The following DGKB variants were observed in gnomAD, a reference collection of about 807,000 sequenced individuals.
DGKB encodes the protein diacylglycerol kinase beta, also known as 90 kDa diacylglycerol kinase.
A neutral mutation model predicts 114.3 loss-of-function variants in DGKB; 67 were observed. The observed-to-expected ratio is 0.59, with a 90% CI of 0.48 to 0.72. The LOEUF is 0.72. Ranked by LOEUF, DGKB falls within the 30% of genes least tolerant of loss-of-function variation. The pLI is 0.00. For synonymous variants in DGKB, 398 were observed against 323.1 expected, an observed-to-expected ratio of 1.23 and a Z score of -2.49; for missense variants, 907 against 975.2, an observed-to-expected ratio of 0.93 and a Z score of 0.93.
chr7:14,356,769 A>G (rs1208910372), intron 21 of DGKB, among the ~76,000 whole-genome samples: 1 of 152,112 alleles, frequency 6.6e-6, no homozygotes, highest in East Asian at 1.9e-4. Flanking sequence ...CACTGCTTTA[A>G]ATGTGTCCCA....
intron 21 of DGKB, among the ~76,000 whole-genome samples, chr7:14,348,635 C>A (rs539919016): frequency 6.6e-6 from 1 of 151,872 alleles, no homozygotes; most frequent in South Asian, 2.1e-4. Flanking sequence ...ATATAATTTT[C>A]ATGTGATTTG....
At chr7:14,707,028 G>C (rs1409695136) in intron 6 of DGKB, among the ~76,000 whole-genome samples, 1 of 151,064 alleles carries the variant, frequency 6.6e-6, no homozygotes, top group African/African-American at 2.4e-5. Flanking sequence ...GAATCCAGGA[G>C]CTGGTTTTTT....
chr7:14,946,595 C>A (rs1785895738), intron 1 of DGKB, among the ~76,000 whole-genome samples: 1 of 151,688 alleles, frequency 6.6e-6, no homozygotes, highest in South Asian at 2.1e-4. Flanking sequence ...CACATACACA[C>A]AAATATCAGG....
intron 17 of DGKB, among the ~76,000 whole-genome samples, chr7:14,605,064 A>T (rs1804230965): frequency 6.6e-6 from 1 of 152,132 alleles, no homozygotes; most frequent in African/African-American, 2.4e-5. Context: ...ATACCATAAA[A>T]ATATTTGAAC....
At chr7:14,572,713 G>C (rs1346308444) in intron 20 of DGKB, among the ~76,000 whole-genome samples, 1 of 152,050 alleles carries the variant, frequency 6.6e-6, no homozygotes, top group Non-Finnish European at 1.5e-5. Context: ...CCATGCCACA[G>C]AATCCTATTC....
At chr7:14,950,689 A>C (rs1786146891) in intron 1 of DGKB, among the ~76,000 whole-genome samples, 1 of 152,004 alleles carries the variant, frequency 6.6e-6, no homozygotes, top group African/African-American at 2.4e-5. Context: ...TAAAGAATAA[A>C]TATTAATCCT....
chr7:14,168,110 G>A (rs1784870841), intron 25 of DGKB, among the ~76,000 whole-genome samples: 1 of 152,054 alleles, frequency 6.6e-6, no homozygotes, highest in African/African-American at 2.4e-5. Context: ...CTGAGAAATA[G>A]AAGATAGTTA....
chr7:14,844,157 G>C (rs2128143350), intron 1 of DGKB, among the ~76,000 whole-genome samples: 1 of 152,320 alleles, frequency 6.6e-6, no homozygotes, highest in South Asian at 2.1e-4. Context: ...GTAGATGTTG[G>C]TGAAGCATAT....
chr7:14,603,486 G>T (rs1803944065), intron 17 of DGKB, among the ~76,000 whole-genome samples: 1 of 151,844 alleles, frequency 6.6e-6, no homozygotes, highest in South Asian at 2.1e-4. Context: ...GTAGAAATTT[G>T]GTTATATAAA....
At chr7:14,236,344 TAA>T (rs35503614) in intron 23 of DGKB, among the ~76,000 whole-genome samples, 3 of 86,704 alleles carry the variant, frequency 3.5e-5, no homozygotes, top group South Asian at 2.8e-4. Flanking sequence ...TTCCAATTAA[TAA>T]AAAAAAAGCT....
rs369045909 is a variant in DGKB at position 14,554,910 on chromosome 7, A to G, written c.1770+19302T>C. On this transcript the variant is annotated intron_variant, in intron 20 of 25. Coordinates refer to ENST00000402815, the MANE Select transcript of DGKB (RefSeq NM_001350709.2). ...TATCTTTATTATTTTTGTTGAAAAC[A>G]TTTTTTGAAATTTAAAAGTTAATGA... Among the ~76,000 whole-genome samples, 21 of 152,188 alleles carry G rather than the reference A, an allele frequency of 1.4e-4. No individual in the cohort carries two copies. The East Asian group carries it at 3.9e-3, about 28-fold the overall frequency.
At chr7:14,239,149 G>T (rs1325240494) in intron 23 of DGKB, among the ~76,000 whole-genome samples, 1 of 151,982 alleles carries the variant, frequency 6.6e-6, no homozygotes, top group African/African-American at 2.4e-5. Context: ...CTGCTCAGCA[G>T]TCGTTACTTC....
intron 1 of DGKB, among the ~76,000 whole-genome samples, chr7:14,940,115 G>T (rs566792211): frequency 6.6e-6 from 1 of 151,896 alleles, no homozygotes; most frequent in African/African-American, 2.4e-5. Context: ...AAAAATGATG[G>T]TCTTATTTGA....
intron 20 of DGKB, among the ~76,000 whole-genome samples, chr7:14,529,354 T>C (rs1286695239): frequency 6.6e-6 from 1 of 151,896 alleles, no homozygotes; most frequent in East Asian, 1.9e-4. Flanking sequence ...AACTATTTTG[T>C]TGAGCAGTGA....
intron 23 of DGKB, among the ~76,000 whole-genome samples, chr7:14,278,558 A>C (rs999716452): frequency 6.6e-6 from 1 of 152,170 alleles, no homozygotes; most frequent in Non-Finnish European, 1.5e-5. Flanking sequence ...AACATGGGGA[A>C]AATGTTCATG....
chr7:14,812,515 A>G (rs935421403), intron 2 of DGKB, among the ~76,000 whole-genome samples: 1 of 152,122 alleles, frequency 6.6e-6, no homozygotes, highest in African/African-American at 2.4e-5. Context: ...TGATTCCACC[A>G]TATTTTCTAA....
At chr7:14,896,453 A>G (rs1276648451) in intron 1 of DGKB, among the ~76,000 whole-genome samples, 1 of 151,598 alleles carries the variant, frequency 6.6e-6, no homozygotes, top group Non-Finnish European at 1.5e-5. Flanking sequence ...AATATTTAAT[A>G]AATTTTGTAG....
At chr7:14,497,471 C>T (rs903208596) in intron 20 of DGKB, among the ~76,000 whole-genome samples, 4 of 151,762 alleles carry the variant, frequency 2.6e-5, no homozygotes, top group African/African-American at 9.7e-5. Context: ...CTATGAAGTC[C>T]ATCCCCCCAT....
intron 23 of DGKB, among the ~76,000 whole-genome samples, chr7:14,239,107 T>C (rs1793262320): frequency 6.6e-6 from 1 of 152,066 alleles, no homozygotes; most frequent in African/African-American, 2.4e-5. Context: ...CATCTGTTTA[T>C]GTTACTTGTC....
Sources: allele counts gnomAD v4.1 joint callset (sites outside exome capture counted in the v4.1 genomes callset), GRCh38; gene constraint gnomAD v4.1.1; transcripts MANE v1.5; gene names NCBI Gene and HGNC (gene_info 2026-07-23, HGNC 2026-07-21).